The following RIMS1 variants were observed in gnomAD, a reference collection of about 807,000 sequenced individuals.
The protein encoded by RIMS1 is regulating synaptic membrane exocytosis 1.
RIMS1 carries 83 observed loss-of-function variants against 214.1 expected under a neutral mutation model. The observed-to-expected ratio is 0.39, with a 90% CI of 0.32 to 0.47. The LOEUF is 0.47. RIMS1 is among the 20% of genes least tolerant of loss of function. RIMS1 has a pLI of 0.99. For missense variants in RIMS1, 2,050 were observed against 2,161.8 expected, an observed-to-expected ratio of 0.95 and a Z score of 1.03; for synonymous variants, 793 against 786.8, an observed-to-expected ratio of 1.01 and a Z score of -0.13.
rs146263891 is a variant in RIMS1 at position 71,941,876 on chromosome 6, A to C, written c.165-27107A>C. Reference sequence around the variant, plus strand: ...TGGAATAGGGGGTCCAGGACCATACAGGAAATTAACAGTCACTTCCCATCA... The same window carrying C: ...TGGAATAGGGGGTCCAGGACCATACCGGAAATTAACAGTCACTTCCCATCA... On this transcript the variant is annotated intron_variant, in intron 1 of 33. Transcript: ENST00000521978. Among the ~76,000 whole-genome samples, 346 of 152,326 alleles carry C rather than the reference A, an allele frequency of 2.3e-3. 1 individual carries two copies. The highest frequency in any genetic ancestry group is 7.7e-3 in the African/African-American group (322 of 41,570).
At position 72,182,858 on chromosome 6, in the gene RIMS1, G is replaced by T; in HGVS notation, c.1387G>T (p.Glu463Ter). ...RHGPVPAEAP[E>*]LKAQEPLRKQ... is the part of the protein sequence containing the mutation. ...TGGGCCGGTTCCCGCAGAAGCCCCG[G>T]AGCTCAAAGCCCAGGAGCCCCTCAG... The change falls in exon 6 of 34, where the codon GAG (glutamate) becomes TAG (stop). Residue 463 changes from glutamate (E) to a stop codon, truncating the protein, a stop_gained. Transcript: ENST00000521978. LOFTEE classifies it high-confidence loss of function. The T allele has an allele frequency of 6.4e-7, 1 of 1,557,758 alleles. No individual in the cohort carries two copies. Among genetic ancestry groups the T allele is most frequent in the Non-Finnish European group, 8.7e-7 (1 of 1,153,272 alleles).
At chr6:72,015,874 C>T (rs750342164) in intron 2 of RIMS1, among the ~76,000 whole-genome samples, 21 of 152,118 alleles carry the variant, frequency 1.4e-4, no homozygotes, top group Non-Finnish European at 2.8e-4. Context: ...TGCAGTGAGC[C>T]GAGATCGCGC....
chr6:71,943,771 T>C (rs1161786768), intron 1 of RIMS1, among the ~76,000 whole-genome samples: 1 of 152,198 alleles, frequency 6.6e-6, no homozygotes, highest in Non-Finnish European at 1.5e-5. Context: ...CATTTCAGCG[T>C]ATCAGCTTTC....
In RIMS1 at chr6:72,275,820, C is replaced by T. The variant is rs978570177; in HGVS notation, c.3482+1388C>T. The stretch of plus-strand genomic sequence containing the variant: ...TATTCAATAAAAACTTATTGTACCC[C>T]TACTATGCACCCTATCCAAATGGCT... On this transcript the variant is annotated intron_variant, in intron 23 of 33. Transcript: ENST00000521978. Among the ~76,000 whole-genome samples the T allele has an allele frequency of 8.5e-5, 13 of 152,276 alleles. No individual in the cohort carries two copies. The East Asian group carries it at 2.5e-3, about 29-fold the overall frequency.
At chr6:71,931,685 A>G (rs1283477129) in intron 1 of RIMS1, among the ~76,000 whole-genome samples, 1 of 151,826 alleles carries the variant, frequency 6.6e-6, no homozygotes, top group Non-Finnish European at 1.5e-5. Context: ...ATTTTCTCCC[A>G]TTCTGTAGTT....
chr6:72,211,505 G>A (rs1233941315), intron 6 of RIMS1, among the ~76,000 whole-genome samples: 9 of 152,148 alleles, frequency 5.9e-5, no homozygotes, highest in Admixed American at 5.9e-4. Context: ...GATTAGTAGA[G>A]ATGTTTTTCA....
chr6:72,172,480 G>T (rs10498880), intron 4 of RIMS1, among the ~76,000 whole-genome samples: 42,797 of 151,988 alleles, frequency 0.28, 6,960 homozygotes, highest in Non-Finnish European at 0.37. Flanking sequence ...AGCTCTTGTA[G>T]TATTGCAATG....
chr6:72,124,759 T>A (rs1008322269), intron 4 of RIMS1, among the ~76,000 whole-genome samples: 2 of 152,152 alleles, frequency 1.3e-5, no homozygotes, highest in Non-Finnish European at 2.9e-5. Flanking sequence ...TTTCTTCCAC[T>A]TGATCCAATC....
chr6:72,062,286 AT>A (rs985885513), intron 2 of RIMS1, among the ~76,000 whole-genome samples: 2 of 151,016 alleles, frequency 1.3e-5, no homozygotes, highest in Non-Finnish European at 3.0e-5. Flanking sequence ...TTTGGTCTGT[AT>A]TTTTTTTTCA....
intron 1 of RIMS1, among the ~76,000 whole-genome samples, chr6:71,938,049 A>G (rs917271665): frequency 6.6e-6 from 1 of 152,224 alleles, no homozygotes; most frequent in Non-Finnish European, 1.5e-5. Context: ...CAATGGTGAG[A>G]CAGCCACAGG....
intron 2 of RIMS1, among the ~76,000 whole-genome samples, chr6:72,052,346 T>C (rs1300326168): frequency 6.6e-6 from 1 of 152,210 alleles, no homozygotes; most frequent in African/African-American, 2.4e-5. Context: ...TAGTATCTTG[T>C]GGAATTCCAG....
intron 2 of RIMS1, among the ~76,000 whole-genome samples, chr6:71,976,449 T>G (rs558728660): frequency 7.9e-5 from 12 of 152,254 alleles, no homozygotes; most frequent in African/African-American, 2.9e-4. Flanking sequence ...TTATTTGTCT[T>G]TTTTATTTTT....
At chr6:71,987,050 A>G (rs1032653585) in intron 2 of RIMS1, among the ~76,000 whole-genome samples, 2 of 152,238 alleles carry the variant, frequency 1.3e-5, no homozygotes, top group Admixed American at 6.5e-5. Flanking sequence ...CATACAGAAG[A>G]AGTAAAAATA....
intron 4 of RIMS1, among the ~76,000 whole-genome samples, chr6:72,160,551 G>A (rs1195502603): frequency 2.2e-4 from 31 of 138,968 alleles, no homozygotes; most frequent in African/African-American, 6.7e-4. Flanking sequence ...ATTTTGAGAT[G>A]CATCCCATCA....
intron 2 of RIMS1, among the ~76,000 whole-genome samples, chr6:71,992,434 C>CTTTCTTTCT (rs1801976199): frequency 8.4e-6 from 1 of 119,654 alleles, no homozygotes; most frequent in Non-Finnish European, 1.7e-5. Context: ...TTCTTTCTTT[C>CTTTCTTTCT]TTTCTTTCTT....
intron 4 of RIMS1, among the ~76,000 whole-genome samples, chr6:72,111,227 C>T (rs961441660): frequency 6.6e-6 from 1 of 152,158 alleles, no homozygotes; most frequent in East Asian, 1.9e-4. Flanking sequence ...CAGCTACCTA[C>T]TTTGACCTCT....
chr6:72,023,897 CATA>C (rs1815519573), intron 2 of RIMS1, among the ~76,000 whole-genome samples: 1 of 152,128 alleles, frequency 6.6e-6, no homozygotes, highest in East Asian at 1.9e-4. Flanking sequence ...GTGTTTTGCA[CATA>C]ATATGTTTCA....
intron 19 of RIMS1, chr6:72,262,558 A>G (rs1379955272): frequency 1.0e-6 from 1 of 983,412 alleles, no homozygotes; most frequent in Non-Finnish European, 1.2e-6. Context: ...TGCTAAAAGT[A>G]TGGAGATAGA....
At chr6:72,280,497 GCTC>G (rs2089549244) in intron 23 of RIMS1, among the ~76,000 whole-genome samples, 2 of 151,806 alleles carry the variant, frequency 1.3e-5, no homozygotes, top group African/African-American at 2.4e-5. Flanking sequence ...TTTATTCTCT[GCTC>G]CTTTACAGAA....
Sources: allele counts gnomAD v4.1 joint callset (sites outside exome capture counted in the v4.1 genomes callset), GRCh38; gene constraint gnomAD v4.1.1; transcripts MANE v1.5; gene names NCBI Gene and HGNC (gene_info 2026-07-23, HGNC 2026-07-21).